The following NAALADL2 variants were observed in gnomAD, a reference collection of about 807,000 sequenced individuals.
NAALADL2 encodes the protein inactive N-acetylated-alpha-linked acidic dipeptidase-like protein 2.
NAALADL2 carries 76 observed loss-of-function variants against 87.2 expected under a neutral mutation model. The observed-to-expected ratio is 0.87, with a 90% CI of 0.72 to 1.05. NAALADL2 has a LOEUF of 1.05. Among genes scored for constraint, NAALADL2 ranks in the 50% least tolerant of loss-of-function variants. The pLI is 0.00. For missense variants in NAALADL2, 1,089 were observed against 945.8 expected (o/e 1.15, Z -1.99); for synonymous variants, 354 against 331.0 (o/e 1.07, Z -0.75).
chr3:175,429,453 T>C (rs1038574046), intron 5 of NAALADL2, among the ~76,000 whole-genome samples: 2 of 152,048 alleles, frequency 1.3e-5, no homozygotes, highest in East Asian at 1.9e-4. Context: ...CCTTTACATA[T>C]GTAGTTTCCT....
In NAALADL2 at chr3:175,187,617, A is replaced by G. The variant is rs35725867; in HGVS notation, c.546-46314A>G. On this transcript the variant is annotated intron_variant, in intron 2 of 13. Transcript: ENST00000454872. ...CACTCAAAATATATAAAGACTAAAA[A>G]TGTTTATTCTTCATTTGAAGACACA... Among the ~76,000 whole-genome samples the G allele has an allele frequency of 8.5e-3, 1,297 of 152,302 alleles. 3 individuals carry two copies. Among genetic ancestry groups the G allele is most frequent in the South Asian group, 0.03 (143 of 4,826 alleles).
chr3:175,470,685 A>G (rs1179235544), intron 8 of NAALADL2, among the ~76,000 whole-genome samples: 1 of 152,162 alleles, frequency 6.6e-6, no homozygotes, highest in South Asian at 2.1e-4. Flanking sequence ...GCACAAAAAA[A>G]AACAGGAAAA....
chr3:175,769,398 T>TA (rs1210592977), intron 13 of NAALADL2, among the ~76,000 whole-genome samples: 5 of 152,224 alleles, frequency 3.3e-5, no homozygotes. Context: ...TTAAGGTAGC[T>TA]AAATAGATTT....
intron 5 of NAALADL2, among the ~76,000 whole-genome samples, chr3:175,401,129 G>T (rs78320169): frequency 0.018 from 2,747 of 152,198 alleles, 129 homozygotes; most frequent in East Asian, 0.14. Flanking sequence ...AGAAGTTATT[G>T]ATTCCTCAGC....
chr3:175,648,144 G>C lies in NAALADL2; in HGVS notation c.1896+20758G>C, dbSNP rs147879384. Among the ~76,000 whole-genome samples the C allele has an allele frequency of 7.0e-3, 1,065 of 152,160 alleles. 11 individuals carry two copies. Among genetic ancestry groups the C allele is most frequent in the African/African-American group, 0.024 (1,013 of 41,512 alleles). On this transcript the variant is annotated intron_variant, in intron 11 of 13. Coordinates refer to ENST00000454872, the MANE Select transcript of NAALADL2 (RefSeq NM_207015.3). ...TAGTACAATTGGACCCTTGGGGTGGGGGAGCAAATAAACTACAAACACTTA... is the reference window on the plus strand; with the variant it reads ...TAGTACAATTGGACCCTTGGGGTGGCGGAGCAAATAAACTACAAACACTTA...
At chr3:174,448,212 C>T (rs1488318659) in intron 1 of NAALADL2, among the ~76,000 whole-genome samples, 1 of 152,112 alleles carries the variant, frequency 6.6e-6, no homozygotes, top group Non-Finnish European at 1.5e-5. Context: ...CCAGTTTCTC[C>T]CACTGGCTAC....
chr3:175,035,995 G>A (rs1448384541), intron 1 of NAALADL2, among the ~76,000 whole-genome samples: 1 of 152,138 alleles, frequency 6.6e-6, no homozygotes, highest in Non-Finnish European at 1.5e-5. Context: ...AAAGCGGGTA[G>A]ACCTACATAA....
chr3:174,459,763 T>C (rs1716078999), intron 1 of NAALADL2: 1 of 152,174 alleles, frequency 6.6e-6, no homozygotes. Context: ...GAACTCCCAA[T>C]GACAGACACC....
chr3:174,912,465 G>A (rs1338778400), intron 1 of NAALADL2, among the ~76,000 whole-genome samples: 2 of 152,160 alleles, frequency 1.3e-5, no homozygotes, highest in East Asian at 3.9e-4. Context: ...CCCTAAGGCT[G>A]CAATAGCTAA....
intron 9 of NAALADL2, among the ~76,000 whole-genome samples, chr3:175,523,757 G>A (rs138580400): frequency 8.6e-4 from 131 of 152,274 alleles, no homozygotes; most frequent in African/African-American, 3.1e-3. Context: ...AGAGAGTGAC[G>A]GAGCGAGTGG....
Position 174,765,944 on chromosome 3 carries a change from G to A in NAALADL2, c.-9+28198G>A, listed in dbSNP as rs564500153. 2.0e-5 allele frequency among the ~76,000 whole-genome samples: 3 copies of A among 152,256 alleles called. No homozygotes were observed. The South Asian group carries it at 6.2e-4, about 32-fold the overall frequency. On this transcript the variant is annotated intron_variant, in intron 3 of 3. Coordinates refer to the NAALADL2 transcript ENST00000434257. ...GTAATTGACTGTTGCCGGCTTGAGTGATACACACAAAACCCTTGGAAACAG... is the reference window on the plus strand; with the variant it reads ...GTAATTGACTGTTGCCGGCTTGAGTAATACACACAAAACCCTTGGAAACAG...
intron 10 of NAALADL2, among the ~76,000 whole-genome samples, chr3:175,591,317 A>G (rs1387357479): frequency 6.6e-6 from 1 of 152,214 alleles, no homozygotes; most frequent in Non-Finnish European, 1.5e-5. Flanking sequence ...TCTGATGCTA[A>G]AAGAAATATC....
At chr3:175,043,877 A>G (rs781167847) in intron 1 of NAALADL2, among the ~76,000 whole-genome samples, 2 of 152,172 alleles carry the variant, frequency 1.3e-5, no homozygotes, top group Non-Finnish European at 2.9e-5. Context: ...GTAATTCTAT[A>G]CAAATTTTAG....
At chr3:175,571,264 A>T (rs1449882494) in intron 9 of NAALADL2, among the ~76,000 whole-genome samples, 2 of 152,058 alleles carry the variant, frequency 1.3e-5, no homozygotes, top group East Asian at 3.9e-4. Flanking sequence ...TCTTCTATGG[A>T]CTTGTGGGTG....
In NAALADL2 at chr3:175,467,066, C is replaced by T. The variant is rs749574830; in HGVS notation, c.1415C>T (p.Ala472Val). ...GCCAGTAGTACTGCAATAATCACAG[C>T]GTTTATCCGTGCCTTGATGTCAAAA... is the stretch of plus-strand genomic sequence containing the variant. ...EWASSTAIIT[A>V]FIRALMSKVK... The change falls in exon 8 of 14, where the codon GCG (alanine) becomes GTG (valine). Residue 472 changes from alanine to valine, a missense_variant. Coordinates refer to ENST00000454872, the MANE Select transcript of NAALADL2 (RefSeq NM_207015.3). 3.1e-6 allele frequency: 5 copies of T among 1,613,666 alleles called. No homozygotes were observed. The highest frequency in any genetic ancestry group is 4.2e-6 in the Non-Finnish European group (5 of 1,179,702).
chr3:174,528,719 G>A (rs888334758), intron 1 of NAALADL2, among the ~76,000 whole-genome samples: 29 of 152,282 alleles, frequency 1.9e-4, no homozygotes, highest in African/African-American at 7.0e-4. Context: ...CAATCAAGGT[G>A]GAAGGTGAAA....
chr3:175,481,356 T>C (rs1220224520), intron 9 of NAALADL2, among the ~76,000 whole-genome samples: 2 of 150,314 alleles, frequency 1.3e-5, no homozygotes, highest in African/African-American at 4.9e-5. Flanking sequence ...TGTGTGTGTG[T>C]GTGTGTGTGT....
chr3:175,503,977 T>C (rs1304000343), intron 9 of NAALADL2, among the ~76,000 whole-genome samples: 1 of 152,192 alleles, frequency 6.6e-6, no homozygotes, highest in African/African-American at 2.4e-5. Flanking sequence ...CAATTGCTGT[T>C]GGTGTCTTCG....
At chr3:175,100,047 A>G (rs988773435) in intron 2 of NAALADL2, among the ~76,000 whole-genome samples, 4 of 151,084 alleles carry the variant, frequency 2.6e-5, no homozygotes, top group African/African-American at 9.7e-5. Flanking sequence ...TAATTATTTT[A>G]AGTTATATAA....
Sources: allele counts gnomAD v4.1 joint callset (sites outside exome capture counted in the v4.1 genomes callset), GRCh38; gene constraint gnomAD v4.1.1; transcripts MANE v1.5; gene names NCBI Gene and HGNC (gene_info 2026-07-23, HGNC 2026-07-21).